Variants in ARHGAP6 observed in about 807,000 individuals in gnomAD.
ARHGAP6 encodes rho GTPase-activating protein 6.
In ARHGAP6, 16 loss-of-function variants were observed where a neutral mutation model predicts 55.7. That is an observed-to-expected ratio of 0.29 (90% confidence interval 0.19 to 0.44). The LOEUF (loss-of-function observed/expected upper bound fraction) is 0.44. ARHGAP6 is among the 20% of genes least tolerant of loss of function. ARHGAP6 has a pLI of 1.00. For synonymous variants in ARHGAP6, 382 were observed against 360.9 expected (o/e 1.06, Z -0.66); for missense variants, 698 against 808.9 (o/e 0.86, Z 1.66).
At chrX:11,610,035 A>G (rs1457736660) in intron 1 of ARHGAP6, among the ~76,000 whole-genome samples, 1 of 109,951 alleles carries the variant, frequency 9.1e-6, no homozygotes, top group Non-Finnish European at 1.9e-5. Context: ...CAATAAGATA[A>G]ACCCAGCCTG....
At chrX:11,325,304 G>A (rs1474601839) in intron 1 of ARHGAP6, among the ~76,000 whole-genome samples, 2 of 112,231 alleles carry the variant, frequency 1.8e-5, no homozygotes, top group Non-Finnish European at 3.8e-5. Flanking sequence ...TGTATTCACT[G>A]ACAATACAGG....
At chrX:11,159,258 A>C (rs1043527124) in intron 9 of ARHGAP6, among the ~76,000 whole-genome samples, 5 of 110,998 alleles carry the variant, frequency 4.5e-5, no homozygotes, top group African/African-American at 1.6e-4. Flanking sequence ...GTGGGTGGGG[A>C]TCCACTGGAG....
At chrX:11,576,555 C>G (rs911362021) in intron 1 of ARHGAP6, among the ~76,000 whole-genome samples, 8 of 111,729 alleles carry the variant, frequency 7.2e-5, no homozygotes, top group Non-Finnish European at 1.3e-4. Flanking sequence ...GGCACAATAA[C>G]TAATTGTTAT....
At chrX:11,413,597 C>T (rs1024794844) in intron 1 of ARHGAP6, among the ~76,000 whole-genome samples, 2 of 111,641 alleles carry the variant, frequency 1.8e-5, no homozygotes, top group Non-Finnish European at 3.8e-5. Context: ...CCTTTATGTT[C>T]TTGCCTCTGA....
chrX:11,235,531 C>T (rs1275254837), intron 2 of ARHGAP6, among the ~76,000 whole-genome samples: 5 of 111,627 alleles, frequency 4.5e-5, no homozygotes. Flanking sequence ...ATTTCTGCAG[C>T]CAGCTTGAAT....
chrX:11,374,484 T>C (rs1474931775), intron 1 of ARHGAP6, among the ~76,000 whole-genome samples: 1 of 112,381 alleles, frequency 8.9e-6, no homozygotes, highest in Non-Finnish European at 1.9e-5. Context: ...CTAGGTGCTA[T>C]AACATTTAAA....
intron 1 of ARHGAP6, among the ~76,000 whole-genome samples, chrX:11,573,708 T>C (rs904717796): frequency 9.0e-6 from 1 of 110,675 alleles, no homozygotes; most frequent in Non-Finnish European, 1.9e-5. Flanking sequence ...AGTAGTTTTT[T>C]CCAATTCTGT....
intron 1 of ARHGAP6, among the ~76,000 whole-genome samples, chrX:11,270,122 C>T (rs1010667414): frequency 8.9e-5 from 10 of 112,145 alleles, no homozygotes; most frequent in South Asian, 3.7e-4. Flanking sequence ...GAGCGTAAAG[C>T]GTAAAGAGCT....
chrX:11,613,180 G>A (rs757507036), intron 1 of ARHGAP6, among the ~76,000 whole-genome samples: 5 of 111,990 alleles, frequency 4.5e-5, no homozygotes, highest in East Asian at 5.6e-4. Context: ...AAACTTAAGC[G>A]TTAACCTGAC....
intron 1 of ARHGAP6, among the ~76,000 whole-genome samples, chrX:11,441,927 T>G (rs747137803): frequency 9.1e-6 from 1 of 109,805 alleles, no homozygotes; most frequent in Non-Finnish European, 1.9e-5. Context: ...TCTACACATA[T>G]GTATTTGAAA....
At chrX:11,230,526 C>T (rs1456350699) in intron 2 of ARHGAP6, among the ~76,000 whole-genome samples, 1 of 110,660 alleles carries the variant, frequency 9.0e-6, no homozygotes, top group Admixed American at 9.7e-5. Context: ...CCCCTTAGTA[C>T]CTCAAATGAG....
At chrX:11,463,968 G>T (rs2050269523) in intron 1 of ARHGAP6, among the ~76,000 whole-genome samples, 1 of 112,453 alleles carries the variant, frequency 8.9e-6, no homozygotes, top group African/African-American at 3.2e-5. Context: ...GGAGGAGGGA[G>T]CTTGAAGAAA....
chrX:11,505,452 G>C (rs771045055), intron 1 of ARHGAP6, among the ~76,000 whole-genome samples: 1 of 111,578 alleles, frequency 9.0e-6, no homozygotes, highest in African/African-American at 3.3e-5. Flanking sequence ...CTATTGGCAG[G>C]AGTGTAAATT....
At chrX:11,499,382 T>A (rs1603232763) in intron 1 of ARHGAP6, among the ~76,000 whole-genome samples, 3 of 112,346 alleles carry the variant, frequency 2.7e-5, no homozygotes, top group Admixed American at 1.9e-4. Context: ...TTTCTCAACT[T>A]CAGGCAAGCA....
intron 1 of ARHGAP6, among the ~76,000 whole-genome samples, chrX:11,329,893 C>T (rs987643560): frequency 5.3e-5 from 6 of 112,599 alleles, no homozygotes; most frequent in African/African-American, 3.2e-5. Context: ...TGTATCTAAA[C>T]ATATCTAAAC....
chrX:11,608,784 G>T (rs763841516), intron 1 of ARHGAP6, among the ~76,000 whole-genome samples: 62 of 111,669 alleles, frequency 5.6e-4, no homozygotes, highest in Admixed American at 1.5e-3. Flanking sequence ...TTCCTCATTT[G>T]CTCTTGCTGC....
chrX:11,630,144 A>AAT lies in ARHGAP6; in HGVS notation c.588+34095_588+34096dup, dbSNP rs778856023. Among the ~76,000 whole-genome samples the AAT allele has an allele frequency of 5.0e-4, 56 of 111,177 alleles. No homozygotes were observed. The East Asian group carries it at 0.014, about 27-fold the overall frequency. ...TAGGATCAACAAAAATGTATTACCA[A>AAT]ATATATATATATGATAGATAGATAG... On this transcript the variant is annotated intron_variant, in intron 1 of 12. Transcript: ENST00000337414.
At chrX:11,329,901 A>C (rs1424214838) in intron 1 of ARHGAP6, among the ~76,000 whole-genome samples, 1 of 112,818 alleles carries the variant, frequency 8.9e-6, no homozygotes, top group East Asian at 2.8e-4. Flanking sequence ...AACATATCTA[A>C]ACATAGAAAG....
intron 1 of ARHGAP6, among the ~76,000 whole-genome samples, chrX:11,602,491 G>T (rs999579201): frequency 8.9e-6 from 1 of 112,586 alleles, no homozygotes; most frequent in African/African-American, 3.2e-5. Flanking sequence ...CTATCATGGG[G>T]CCCAGTGGCC....
Sources: allele counts gnomAD v4.1 joint callset (sites outside exome capture counted in the v4.1 genomes callset), GRCh38; gene constraint gnomAD v4.1.1; transcripts MANE v1.5; gene names NCBI Gene and HGNC (gene_info 2026-07-23, HGNC 2026-07-21).